Variants in ZNF609 observed in about 807,000 individuals in gnomAD.
The protein encoded by ZNF609 is zinc finger protein 609.
In ZNF609, 11 loss-of-function variants were observed where a neutral mutation model predicts 109.5. The observed-to-expected ratio is 0.10, with a 90% CI of 0.06 to 0.17. ZNF609 has a LOEUF of 0.17. Ranked by LOEUF, ZNF609 falls within the 10% of genes least tolerant of loss-of-function variation. The pLI, the probability that ZNF609 is intolerant of heterozygous loss-of-function variation, is 1.00. For synonymous variants in ZNF609, 646 were observed against 662.0 expected (o/e 0.98, Z 0.37); for missense variants, 1,559 against 1,772.4 (o/e 0.88, Z 2.16).
At chr15:64,649,740 A>C (rs138268219) in intron 3 of ZNF609, among the ~76,000 whole-genome samples, 291 of 152,304 alleles carry the variant, frequency 1.9e-3, no homozygotes, top group African/African-American at 6.8e-3. Context: ...TTTATTTTGT[A>C]CATGAATACA....
At chr15:64,598,947 G>A (rs1895447054) in intron 2 of ZNF609, among the ~76,000 whole-genome samples, 1 of 149,852 alleles carries the variant, frequency 6.7e-6, no homozygotes, top group South Asian at 2.1e-4. Flanking sequence ...TTACCAACTG[G>A]GATATGTTCA....
chr15:64,541,320 G>C (rs1464162790), intron 2 of ZNF609, among the ~76,000 whole-genome samples: 1 of 149,362 alleles, frequency 6.7e-6, no homozygotes, highest in Non-Finnish European at 1.5e-5. Flanking sequence ...CCCGCTACTC[G>C]GGAGGCTGAG....
chr15:64,507,942 A>C (rs117527112), intron 2 of ZNF609, among the ~76,000 whole-genome samples: 2,991 of 152,214 alleles, frequency 0.02, 50 homozygotes, highest in Non-Finnish European at 0.028. Context: ...CCACAGAAGA[A>C]CCTTTCCTGG....
At chr15:64,660,566 A>C (rs773155241) in intron 3 of ZNF609, among the ~76,000 whole-genome samples, 1 of 152,132 alleles carries the variant, frequency 6.6e-6, no homozygotes, top group Non-Finnish European at 1.5e-5. Context: ...AATATTTACT[A>C]TCTGTCCCTT....
At position 64,656,127 on chromosome 15, in the gene ZNF609, G is replaced by A. The variant is rs1011025491; in HGVS notation, c.974-14219G>A. On this transcript the variant is annotated intron_variant, in intron 3 of 9. Transcript: ENST00000326648. ...CACCCAGGCTGGAGTGCAATGGCGC[G>A]ATCTTGGCCCACTGCAACCTCCGCC... Among the ~76,000 whole-genome samples, 5 of 151,928 alleles carry A rather than the reference G, an allele frequency of 3.3e-5. No individual in the cohort carries two copies. In the East Asian group the frequency reaches 9.7e-4, roughly 30 times the overall value.
chr15:64,571,272 A>G (rs1894855785), intron 2 of ZNF609, among the ~76,000 whole-genome samples: 1 of 152,184 alleles, frequency 6.6e-6, no homozygotes, highest in Non-Finnish European at 1.5e-5. Context: ...CCTCATAAGA[A>G]GAGCTAATAA....
At chr15:64,524,024 TC>T (rs1893931864) in intron 2 of ZNF609, among the ~76,000 whole-genome samples, 2 of 151,870 alleles carry the variant, frequency 1.3e-5, no homozygotes, top group African/African-American at 4.8e-5. Flanking sequence ...TTTTTTTTTT[TC>T]CTCATACAGT....
intron 3 of ZNF609, among the ~76,000 whole-genome samples, chr15:64,639,117 A>T (rs1482359954): frequency 1.3e-5 from 2 of 152,078 alleles, no homozygotes; most frequent in African/African-American, 4.8e-5. Flanking sequence ...AATAAATAAG[A>T]TGGAGCTTGG....
At chr15:64,469,264 A>C (rs866910117) in intron 1 of ZNF609, among the ~76,000 whole-genome samples, 17 of 151,706 alleles carry the variant, frequency 1.1e-4, no homozygotes, top group South Asian at 4.2e-4. Flanking sequence ...ATTCCATTTC[A>C]ATAAATACGT....
chr15:64,598,172 T>C (rs1039467158), intron 2 of ZNF609, among the ~76,000 whole-genome samples: 1 of 152,224 alleles, frequency 6.6e-6, no homozygotes, highest in Admixed American at 6.5e-5. Context: ...TGGAGTGCAG[T>C]GGCACGGTCT....
intron 2 of ZNF609, among the ~76,000 whole-genome samples, chr15:64,505,584 A>G (rs1893624317): frequency 6.6e-6 from 1 of 152,198 alleles, no homozygotes; most frequent in African/African-American, 2.4e-5. Flanking sequence ...TACCGTCTAC[A>G]GCAGAGTTCC....
At chr15:64,487,963 G>C (rs1418228201) in intron 1 of ZNF609, among the ~76,000 whole-genome samples, 5 of 152,076 alleles carry the variant, frequency 3.3e-5, no homozygotes, top group Non-Finnish European at 2.9e-5. Context: ...TGTGACACTT[G>C]GATGGTTTAA....
intron 1 of ZNF609, among the ~76,000 whole-genome samples, chr15:64,473,352 C>A (rs1893120196): frequency 6.6e-6 from 1 of 151,100 alleles, no homozygotes; most frequent in African/African-American, 2.4e-5. Flanking sequence ...ATGCCCACCA[C>A]CATGCTTGGC....
intron 2 of ZNF609, among the ~76,000 whole-genome samples, chr15:64,549,159 A>G (rs1163273838): frequency 6.6e-6 from 1 of 152,108 alleles, no homozygotes; most frequent in Non-Finnish European, 1.5e-5. Context: ...CTGTGTTTCA[A>G]GACTGTTTTT....
chr15:64,527,565 A>C (rs1341198023), intron 2 of ZNF609, among the ~76,000 whole-genome samples: 2 of 152,150 alleles, frequency 1.3e-5, no homozygotes, highest in Admixed American at 1.3e-4. Context: ...CATGATTTCC[A>C]GTTGCCTAAC....
At chr15:64,569,212 G>T (rs184427469) in intron 2 of ZNF609, among the ~76,000 whole-genome samples, 7 of 152,216 alleles carry the variant, frequency 4.6e-5, no homozygotes, top group African/African-American at 1.7e-4. Flanking sequence ...TCATATCATG[G>T]TGTTTGATTT....
chr15:64,623,943 G>A (rs926254595), intron 3 of ZNF609, among the ~76,000 whole-genome samples: 6 of 152,100 alleles, frequency 3.9e-5, no homozygotes, highest in African/African-American at 1.2e-4. Context: ...TCACTCTGAG[G>A]AGTTTAGAGG....
chr15:64,652,304 A>G (rs557355302), intron 3 of ZNF609, among the ~76,000 whole-genome samples: 1 of 151,608 alleles, frequency 6.6e-6, no homozygotes. Context: ...GCTTACAGGC[A>G]TGAGCCACCA....
At chr15:64,580,312 C>T (rs1895076767) in intron 2 of ZNF609, among the ~76,000 whole-genome samples, 1 of 152,158 alleles carries the variant, frequency 6.6e-6, no homozygotes, top group African/African-American at 2.4e-5. Context: ...CTTTTGAACT[C>T]CAGAACTGTA....
Sources: allele counts gnomAD v4.1 joint callset (sites outside exome capture counted in the v4.1 genomes callset), GRCh38; gene constraint gnomAD v4.1.1; transcripts MANE v1.5; gene names NCBI Gene and HGNC (gene_info 2026-07-23, HGNC 2026-07-21).